The following ST8SIA3 variants were observed in gnomAD, a reference collection of about 807,000 sequenced individuals.
The protein encoded by ST8SIA3 is ST8 alpha-N-acetyl-neuraminide alpha-2,8-sialyltransferase 3.
In ST8SIA3, 17 loss-of-function variants were observed where a neutral mutation model predicts 34.5. The observed-to-expected ratio is 0.49, with a 90% confidence interval of 0.34 to 0.74. ST8SIA3 has a LOEUF of 0.74. Among genes scored for constraint, ST8SIA3 ranks in the 30% least tolerant of loss-of-function variants. The pLI, the probability that ST8SIA3 is intolerant of heterozygous loss-of-function variation, is 0.01. For synonymous variants in ST8SIA3, 172 were observed against 176.1 expected (o/e 0.98, Z 0.19); for missense variants, 354 against 467.8 (o/e 0.76, Z 2.24).
chr18:57,353,484 C>A (rs998263158), intron 1 of ST8SIA3, among the ~76,000 whole-genome samples: 1 of 152,144 alleles, frequency 6.6e-6, no homozygotes, highest in African/African-American at 2.4e-5. Context: ...TCCCCTCGCG[C>A]CCTCCTCCTT....
At chr18:57,356,793 A>C (rs2049800119) in intron 2 of ST8SIA3, 120 bp from the exon 3 acceptor site, 1 of 660,530 alleles carries the variant, frequency 1.5e-6, no homozygotes, top group African/African-American at 1.8e-5. Flanking sequence ...ATGTATGTAT[A>C]ATCTTTTTTG....
intron 3 of ST8SIA3, among the ~76,000 whole-genome samples, chr18:57,358,049 T>G (rs1298087336): frequency 6.6e-6 from 1 of 152,226 alleles, no homozygotes; most frequent in Non-Finnish European, 1.5e-5. Flanking sequence ...CAATATTTTC[T>G]TCTAGTCTGG....
At position 57,363,587 on chromosome 18, in the gene ST8SIA3, C is replaced by G. The variant is rs765715774; in HGVS notation, c.*3310C>G. 6.6e-6 allele frequency: 1 copy of G among 152,204 alleles called. No individual in the cohort carries two copies. The highest frequency in any genetic ancestry group is 2.4e-5 in the African/African-American group (1 of 41,436). 9.4% of individuals were successfully genotyped at this position (152,204 alleles called of 1,614,324 possible). On this transcript the variant is annotated 3_prime_UTR_variant, in exon 4 of 4. Coordinates refer to ENST00000324000, the MANE Select transcript of ST8SIA3 (RefSeq NM_015879.3). Reference sequence around the variant, plus strand: ...TGCCCCTGCCCTCAGCTTCCTTATGCCCGAGCCACTACTTATCCGTGAATG... The same window carrying G: ...TGCCCCTGCCCTCAGCTTCCTTATGGCCGAGCCACTACTTATCCGTGAATG...
chr18:57,363,913 ACTT>A lies in ST8SIA3; in HGVS notation c.*3640_*3642del, dbSNP rs2049846791. ...GAGAAATTATGATTCCTCCTCTAGTACTTCTTGGTCTTACCAGCATCAAATGAA... is the reference window on the plus strand; with the variant it reads ...GAGAAATTATGATTCCTCCTCTAGTACTTGGTCTTACCAGCATCAAATGAA... On this transcript the variant is annotated 3_prime_UTR_variant, in exon 4 of 4. Transcript: ENST00000324000. 1 of 152,200 alleles carries A rather than the reference ACTT, an allele frequency of 6.6e-6. No homozygotes were observed. Among genetic ancestry groups the A allele is most frequent in the South Asian group, 2.1e-4 (1 of 4,826 alleles). 9.4% of individuals were successfully genotyped at this position (152,200 alleles called of 1,614,324 possible).
rs2049822550 is a variant in ST8SIA3 at position 57,360,154 on chromosome 18, C to CA, written c.1026dup (p.Gly343ArgfsTer17). The CA allele has an allele frequency of 1.2e-6, 2 of 1,614,004 alleles. No individual in the cohort carries two copies. On this transcript the variant is annotated frameshift_variant, in exon 4 of 4. Coordinates refer to ENST00000324000, the MANE Select transcript of ST8SIA3 (RefSeq NM_015879.3). LOFTEE classifies it high-confidence loss of function. The stretch of plus-strand genomic sequence containing the variant: ...AAGATCTTCCATACCATTACTATGA[C>CA]AAAAAAGGAACCAAATTTACCACCA...
In ST8SIA3 at chr18:57,360,437, A is replaced by C. The variant is rs1481964781; in HGVS notation, c.*160A>C. Reference sequence around the variant, plus strand: ...TTTGCACTGCTCTTTTAAGAGTTTTAGCAGATTTAGCAGGACAGATGCATT... The same window carrying C: ...TTTGCACTGCTCTTTTAAGAGTTTTCGCAGATTTAGCAGGACAGATGCATT... On this transcript the variant is annotated 3_prime_UTR_variant, in exon 4 of 4. Transcript: ENST00000324000. The C allele has an allele frequency of 1.1e-5, 8 of 715,622 alleles. No individual in the cohort carries two copies. Among genetic ancestry groups the C allele is most frequent in the Non-Finnish European group, 1.8e-5 (8 of 444,656 alleles). The allele number at this position is 715,622 out of a possible 1,614,324, so 44.3% of individuals were successfully genotyped here.
intron 2 of ST8SIA3, among the ~76,000 whole-genome samples, chr18:57,355,321 A>G (rs1323018861): frequency 6.6e-6 from 1 of 152,220 alleles, no homozygotes; most frequent in Non-Finnish European, 1.5e-5. Flanking sequence ...GATGTGAGCC[A>G]TCTAGCGTAT....
In ST8SIA3 at chr18:57,362,386, A is replaced by G. The variant is rs914522474; in HGVS notation, c.*2109A>G. ...TTCTGACTCTGGAGTTTTAATCCCAATGTGCCCATTCATTTTCACTAAATA... is the reference window on the plus strand; with the variant it reads ...TTCTGACTCTGGAGTTTTAATCCCAGTGTGCCCATTCATTTTCACTAAATA... On this transcript the variant is annotated 3_prime_UTR_variant, in exon 4 of 4. Transcript: ENST00000324000. 6.6e-6 allele frequency: 1 copy of G among 152,212 alleles called. No homozygotes were observed. The highest frequency in any genetic ancestry group is 1.5e-5 in the Non-Finnish European group (1 of 68,034). 9.4% of individuals were successfully genotyped at this position (152,212 alleles called of 1,614,324 possible).
chr18:57,359,436 G>A (rs1318559011), intron 3 of ST8SIA3, among the ~76,000 whole-genome samples: 1 of 152,116 alleles, frequency 6.6e-6, no homozygotes, highest in Non-Finnish European at 1.5e-5. Context: ...TTGCAAGAGA[G>A]AAGAAAAATA....
In ST8SIA3 at chr18:57,361,645, A is replaced by C. The variant is rs2049831318; in HGVS notation, c.*1368A>C. On this transcript the variant is annotated 3_prime_UTR_variant, in exon 4 of 4. Coordinates refer to ENST00000324000, the MANE Select transcript of ST8SIA3 (RefSeq NM_015879.3). ...TCATTTTCTTTATTTCAGCCATATGAGTAGAAATCAAATCATTCCCATCCC... is the reference window on the plus strand; with the variant it reads ...TCATTTTCTTTATTTCAGCCATATGCGTAGAAATCAAATCATTCCCATCCC... 1 of 152,668 alleles carries C rather than the reference A, an allele frequency of 6.6e-6. No homozygotes were observed. The highest frequency in any genetic ancestry group is 2.1e-4 in the South Asian group (1 of 4,834). 9.5% of individuals were successfully genotyped at this position (152,668 alleles called of 1,614,324 possible).
Position 57,365,946 on chromosome 18 carries a change from A to G in ST8SIA3, c.*5669A>G, listed in dbSNP as rs1459130919. On this transcript the variant is annotated 3_prime_UTR_variant, in exon 4 of 4. Coordinates refer to ENST00000324000, the MANE Select transcript of ST8SIA3 (RefSeq NM_015879.3). Reference sequence around the variant, plus strand: ...GTTTTAGCTCTTTGGTGTGCTGCCAAATGTTTAACAACTGGCTCTGGAAAA... The same window carrying G: ...GTTTTAGCTCTTTGGTGTGCTGCCAGATGTTTAACAACTGGCTCTGGAAAA... The G allele has an allele frequency of 6.6e-6, 1 of 152,180 alleles. No homozygotes were observed. Among genetic ancestry groups the G allele is most frequent in the Admixed American group, 6.5e-5 (1 of 15,282 alleles). The allele number at this position is 152,180 out of a possible 1,614,324, so 9.4% of individuals were successfully genotyped here.
chr18:57,363,285 A>C lies in ST8SIA3; in HGVS notation c.*3008A>C, dbSNP rs2049842361. On this transcript the variant is annotated 3_prime_UTR_variant, in exon 4 of 4. Transcript: ENST00000324000. ...ACTGGTTATTCTGAGTGTCATATGC[A>C]GATGCAGATCCAAGGGAGACAGGGC... 1 of 152,232 alleles carries C rather than the reference A, an allele frequency of 6.6e-6. No individual in the cohort carries two copies. The highest frequency in any genetic ancestry group is 1.5e-5 in the Non-Finnish European group (1 of 68,042). The allele number at this position is 152,232 out of a possible 1,614,324, so 9.4% of individuals were successfully genotyped here.
Position 57,352,558 on chromosome 18 carries a change from CT to C in ST8SIA3, c.-287del. Reference sequence around the variant, plus strand: ...CGGGGACGCACGGCGCTGCGCGCTCCTTCGCCACGCCGCCGCGCAGCCCCTC... The same window carrying C: ...CGGGGACGCACGGCGCTGCGCGCTCCTCGCCACGCCGCCGCGCAGCCCCTC... On this transcript the variant is annotated 5_prime_UTR_variant, in exon 1 of 4. Coordinates refer to ENST00000324000, the MANE Select transcript of ST8SIA3 (RefSeq NM_015879.3). 1 of 395,662 alleles carries C rather than the reference CT, an allele frequency of 2.5e-6. No individual in the cohort carries two copies. 24.5% of individuals were successfully genotyped at this position (395,662 alleles called of 1,614,324 possible). A position where few individuals can be genotyped will look rare whatever the true frequency, so the allele number is the denominator to read the frequency against.
intron 2 of ST8SIA3, among the ~76,000 whole-genome samples, chr18:57,354,818 A>G (rs2049789465): frequency 6.6e-6 from 1 of 151,962 alleles, no homozygotes; most frequent in African/African-American, 2.4e-5. Context: ...CATGATTTAC[A>G]GCTAACAAGT....
rs748692294 is a variant in ST8SIA3, at chr18:57,366,201, G to A, written c.*5924G>A. 2 of 152,130 alleles carry A rather than the reference G, an allele frequency of 1.3e-5. No individual in the cohort carries two copies. The highest frequency in any genetic ancestry group is 2.4e-5 in the African/African-American group (1 of 41,388). The allele number at this position is 152,130 out of a possible 1,614,324, so 9.4% of individuals were successfully genotyped here. On this transcript the variant is annotated 3_prime_UTR_variant, in exon 4 of 4. Transcript: ENST00000324000. Reference sequence around the variant, plus strand: ...ATAGGAGAGGCTAGCAGAGGCTTTGGAGGGACTTTTAAATGTCCCCTCCAC... The same window carrying A: ...ATAGGAGAGGCTAGCAGAGGCTTTGAAGGGACTTTTAAATGTCCCCTCCAC...
chr18:57,353,955 G>C (rs952277285), intron 1 of ST8SIA3, among the ~76,000 whole-genome samples: 2 of 152,232 alleles, frequency 1.3e-5, no homozygotes, highest in Admixed American at 1.3e-4. Flanking sequence ...TGGGAAGGAA[G>C]AGGTTAAGGC....
chr18:57,355,022 G>T (rs372568562), intron 2 of ST8SIA3, among the ~76,000 whole-genome samples: 31 of 152,304 alleles, frequency 2.0e-4, no homozygotes, highest in Non-Finnish European at 7.4e-5. Context: ...GAAAATGCTG[G>T]CCCAAATGTA....
Position 57,352,627 on chromosome 18 carries a change from G to A in ST8SIA3, c.-220G>A, listed in dbSNP as rs1404350908. 1 of 557,754 alleles carries A rather than the reference G, an allele frequency of 1.8e-6. No homozygotes were observed. Among genetic ancestry groups the A allele is most frequent in the Admixed American group, 2.4e-5 (1 of 40,870 alleles). The allele number at this position is 557,754 out of a possible 1,614,324, so 34.6% of individuals were successfully genotyped here. On this transcript the variant is annotated 5_prime_UTR_variant, in exon 1 of 4. Transcript: ENST00000324000. The stretch of plus-strand genomic sequence containing the variant: ...CCGGGCCCCGCGCGCCCCTGCCTAC[G>A]GGGTCCCGCTGCTCTCCGGGGCTCC...
intron 2 of ST8SIA3, among the ~76,000 whole-genome samples, chr18:57,354,917 C>T (rs528114010): frequency 2.0e-5 from 3 of 151,488 alleles, no homozygotes; most frequent in Non-Finnish European, 4.4e-5. Context: ...ATTTTCATTT[C>T]CTCACTGAAA....
Sources: gnomAD v4.1 joint callset for allele counts (sites outside exome capture counted in the v4.1 genomes callset) on GRCh38, gnomAD v4.1.1 for gene constraint, MANE v1.5 for transcripts, NCBI Gene and HGNC (gene_info 2026-07-23, HGNC 2026-07-21) for gene names.